The following PPFIA2 variants were observed in gnomAD, a reference collection of about 807,000 sequenced individuals.
PPFIA2 encodes the protein PPFI scaffold protein A2, also known as liprin-alpha-2.
A neutral mutation model predicts 175.5 loss-of-function variants in PPFIA2; 46 were observed. The observed-to-expected ratio is 0.26, with a 90% confidence interval of 0.21 to 0.34. The LOEUF is 0.34. Ranked by LOEUF, PPFIA2 falls within the 10% of genes least tolerant of loss-of-function variation. The probability of loss-of-function intolerance (pLI) is 1.00; values close to 1 mark genes in which losing one functional copy is unlikely to be tolerated. For synonymous variants in PPFIA2, 568 were observed against 511.4 expected, an observed-to-expected ratio of 1.11 and a Z score of -1.49; for missense variants, 1,179 against 1,506.1, an observed-to-expected ratio of 0.78 and a Z score of 3.60.
chr12:81,299,387 A>C lies in PPFIA2; in HGVS notation c.2643-5T>G. On this transcript the variant is annotated splice_region_variant and splice_polypyrimidine_tract_variant and intron_variant, in intron 22 of 32. Transcript: ENST00000549396. Reference sequence around the variant, plus strand: ...GCTTCTTCAAGAAGTTCATGCCTGAAGTATATAGCAAAGATTATTAGGCAG... The same window carrying C: ...GCTTCTTCAAGAAGTTCATGCCTGACGTATATAGCAAAGATTATTAGGCAG... 1 of 1,576,006 alleles carries C rather than the reference A, an allele frequency of 6.3e-7. No individual in the cohort carries two copies. Among genetic ancestry groups the C allele is most frequent in the Non-Finnish European group, 8.6e-7 (1 of 1,159,326 alleles).
At chr12:81,319,704 A>C (rs572359764) in intron 22 of PPFIA2, among the ~76,000 whole-genome samples, 9 of 151,966 alleles carry the variant, frequency 5.9e-5, no homozygotes, top group African/African-American at 2.2e-4. Context: ...CATTTTTGGA[A>C]TGGGATGAAG....
intron 28 of PPFIA2, among the ~76,000 whole-genome samples, chr12:81,270,464 G>A (rs1383304341): frequency 6.6e-6 from 1 of 152,108 alleles, no homozygotes; most frequent in East Asian, 1.9e-4. Context: ...AATAGAGTGG[G>A]CCCAAATTCA....
chr12:81,266,356 C>T (rs531959087), intron 30 of PPFIA2, among the ~76,000 whole-genome samples: 2 of 152,098 alleles, frequency 1.3e-5, no homozygotes, highest in Admixed American at 6.6e-5. Context: ...TCATTCATCT[C>T]GGGAGGCTAC....
chr12:81,571,233 A>G (rs775998218), intron 4 of PPFIA2, among the ~76,000 whole-genome samples: 1 of 152,118 alleles, frequency 6.6e-6, no homozygotes, highest in Admixed American at 6.6e-5. Context: ...TTTGAATTTA[A>G]TTGTGGTGGC....
chr12:81,540,708 T>C (rs2066073271), intron 4 of PPFIA2, among the ~76,000 whole-genome samples: 1 of 152,014 alleles, frequency 6.6e-6, no homozygotes, highest in Non-Finnish European at 1.5e-5. Flanking sequence ...AAAACAAAAA[T>C]TCATATACTT....
At chr12:81,401,043 C>T (rs1475690774) in intron 8 of PPFIA2, among the ~76,000 whole-genome samples, 2 of 152,124 alleles carry the variant, frequency 1.3e-5, no homozygotes, top group African/African-American at 2.4e-5. Flanking sequence ...TCAAATCCCA[C>T]CATCTTAAAA....
intron 8 of PPFIA2, among the ~76,000 whole-genome samples, chr12:81,385,393 T>A: frequency 6.6e-6 from 1 of 152,276 alleles, no homozygotes; most frequent in East Asian, 1.9e-4. Flanking sequence ...GGAAGAGATA[T>A]CTGCACTCCT....
intron 21 of PPFIA2, among the ~76,000 whole-genome samples, chr12:81,334,316 C>T (rs957296973): frequency 9.9e-5 from 15 of 152,090 alleles, no homozygotes; most frequent in African/African-American, 2.9e-4. Context: ...TATTTGTTTA[C>T]GTACTATCTT....
intron 4 of PPFIA2, among the ~76,000 whole-genome samples, chr12:81,595,954 A>G (rs1291681818): frequency 6.6e-6 from 1 of 152,188 alleles, no homozygotes; most frequent in Non-Finnish European, 1.5e-5. Flanking sequence ...TCCTTGATGC[A>G]GAATCATTTT....
chr12:81,502,632 A>G (rs2060705744), intron 4 of PPFIA2, among the ~76,000 whole-genome samples: 2 of 152,162 alleles, frequency 1.3e-5, no homozygotes, highest in African/African-American at 4.8e-5. Flanking sequence ...AAATTACATC[A>G]AGTACCCACT....
chr12:81,306,064 A>T (rs1181617401), intron 22 of PPFIA2, among the ~76,000 whole-genome samples: 2 of 152,178 alleles, frequency 1.3e-5, no homozygotes, highest in Non-Finnish European at 2.9e-5. Context: ...TCTGTCACTC[A>T]TGATGGCCAT....
chr12:81,529,596 G>A (rs2064221252), intron 4 of PPFIA2, among the ~76,000 whole-genome samples: 1 of 148,098 alleles, frequency 6.8e-6, no homozygotes, highest in Non-Finnish European at 1.5e-5. Flanking sequence ...TCATATACCA[G>A]GATTGCTCCA....
chr12:81,481,413 A>G (rs1237096048), intron 4 of PPFIA2, among the ~76,000 whole-genome samples: 1 of 152,180 alleles, frequency 6.6e-6, no homozygotes, highest in Non-Finnish European at 1.5e-5. Context: ...TATGGAACCA[A>G]TAAAGAGCCC....
chr12:81,495,165 T>C (rs2059898246), intron 4 of PPFIA2, among the ~76,000 whole-genome samples: 1 of 151,980 alleles, frequency 6.6e-6, no homozygotes, highest in South Asian at 2.1e-4. Context: ...TGCTCAATCA[T>C]CCCCTAACAG....
At chr12:81,653,490 C>T (rs1425895786) in intron 4 of PPFIA2, among the ~76,000 whole-genome samples, 1 of 152,054 alleles carries the variant, frequency 6.6e-6, no homozygotes, top group Non-Finnish European at 1.5e-5. Context: ...ATGCCTCCCT[C>T]CCAGATTCTG....
chr12:81,723,330 A>C (rs1004570160), intron 3 of PPFIA2, among the ~76,000 whole-genome samples: 6 of 151,120 alleles, frequency 4.0e-5, no homozygotes, highest in Non-Finnish European at 8.9e-5. Flanking sequence ...ACAAGCTGCC[A>C]CATAATTTAT....
At chr12:81,635,433 T>C (rs1421741679) in intron 4 of PPFIA2, among the ~76,000 whole-genome samples, 4 of 152,230 alleles carry the variant, frequency 2.6e-5, no homozygotes, top group African/African-American at 9.6e-5. Context: ...ATGGATTCTT[T>C]GGGTCAAGAA....
intron 5 of PPFIA2, among the ~76,000 whole-genome samples, chr12:81,449,781 CT>C (rs2052100904): frequency 8.0e-6 from 1 of 125,580 alleles, no homozygotes; most frequent in Admixed American, 8.6e-5. Context: ...AATGCTATCC[CT>C]CCCCCCTCCC....
chr12:81,320,021 T>C (rs2053307101), intron 22 of PPFIA2, among the ~76,000 whole-genome samples: 1 of 149,526 alleles, frequency 6.7e-6, no homozygotes, highest in Admixed American at 6.7e-5. Context: ...ACACATCTTA[T>C]AAATTAAGTT....
Sources: allele counts gnomAD v4.1 joint callset (sites outside exome capture counted in the v4.1 genomes callset), GRCh38; gene constraint gnomAD v4.1.1; transcripts MANE v1.5; gene names NCBI Gene and HGNC (gene_info 2026-07-23, HGNC 2026-07-21).